TNNI3K: variants seen among roughly 807,000 people sequenced by gnomAD.
TNNI3K encodes the protein serine/threonine-protein kinase TNNI3K.
A neutral mutation model predicts 114.5 loss-of-function variants in TNNI3K; 140 were observed. The ratio of observed to expected loss-of-function variants is 1.22; its 90% CI spans 1.07 to 1.41. TNNI3K has a LOEUF of 1.41. Among genes scored for constraint, TNNI3K ranks in the 40% most tolerant of loss-of-function variants. The pLI is 0.00. For missense variants in TNNI3K, 1,125 were observed against 1,007.6 expected, an observed-to-expected ratio of 1.12 and a Z score of -1.58; for synonymous variants, 347 against 347.5, an observed-to-expected ratio of 1.00 and a Z score of 0.02.
chr1:74,288,341 T>A (rs1264035665), intron 5 of TNNI3K, among the ~76,000 whole-genome samples: 1 of 152,134 alleles, frequency 6.6e-6, no homozygotes, highest in African/African-American at 2.4e-5. Flanking sequence ...AGATGTGAAA[T>A]CAACCAATCA....
intron 4 of TNNI3K, among the ~76,000 whole-genome samples, chr1:74,255,210 C>T (rs1023088781): frequency 6.6e-6 from 1 of 151,862 alleles, no homozygotes; most frequent in Non-Finnish European, 1.5e-5. Flanking sequence ...AAAAATTAGC[C>T]GGGCGTAGTG....
Position 74,404,136 on chromosome 1 carries a change from G to A in TNNI3K, c.1773-31944G>A, listed in dbSNP as rs566316946. 3.9e-5 allele frequency among the ~76,000 whole-genome samples: 6 copies of A among 152,238 alleles called. No individual in the cohort carries two copies. In the South Asian group the frequency reaches 1.2e-3, roughly 32 times the overall value. On this transcript the variant is annotated intron_variant, in intron 17 of 24. Transcript: ENST00000326637. ...CTCTCACCTAAGAACAAGAGGTAAT[G>A]TGTATCTGAGTCACCTAGAAAGCTT... is the stretch of plus-strand genomic sequence containing the variant.
intron 21 of TNNI3K, among the ~76,000 whole-genome samples, chr1:74,472,508 A>G (rs1432281743): frequency 6.6e-6 from 1 of 152,160 alleles, no homozygotes; most frequent in Non-Finnish European, 1.5e-5. Flanking sequence ...TTTAAATATG[A>G]ATAGTATGTA....
At chr1:74,245,441 C>T (rs752862503) in intron 2 of TNNI3K, among the ~76,000 whole-genome samples, 8 of 152,140 alleles carry the variant, frequency 5.3e-5, no homozygotes, top group Non-Finnish European at 1.0e-4. Context: ...TTGAGGTCCA[C>T]GGTGCTCCCA....
At chr1:74,311,151 A>G (rs1658972242) in intron 5 of TNNI3K, among the ~76,000 whole-genome samples, 1 of 152,154 alleles carries the variant, frequency 6.6e-6, no homozygotes, top group Non-Finnish European at 1.5e-5. Flanking sequence ...CTTTTGAACT[A>G]TGTATTGAAC....
At chr1:74,405,038 A>G (rs141618598) in intron 17 of TNNI3K, among the ~76,000 whole-genome samples, 4 of 152,266 alleles carry the variant, frequency 2.6e-5, no homozygotes, top group African/African-American at 9.6e-5. Flanking sequence ...TGAACTGACA[A>G]TGTCAACAAA....
At chr1:74,306,224 C>T (rs2100337026) in intron 5 of TNNI3K, among the ~76,000 whole-genome samples, 1 of 152,244 alleles carries the variant, frequency 6.6e-6, no homozygotes, top group African/African-American at 2.4e-5. Flanking sequence ...TCTAAACTGG[C>T]CATGTAATAT....
chr1:74,333,034 G>T (rs559138002), intron 6 of TNNI3K, among the ~76,000 whole-genome samples: 1 of 147,576 alleles, frequency 6.8e-6, no homozygotes, highest in African/African-American at 2.5e-5. Flanking sequence ...ACTGTTCATT[G>T]AATACTCCAT....
intron 4 of TNNI3K, among the ~76,000 whole-genome samples, chr1:74,270,014 CA>C (rs1352481558): frequency 1.3e-5 from 2 of 151,798 alleles, no homozygotes; most frequent in African/African-American, 4.8e-5. Context: ...AGAATGACTA[CA>C]AGGACACTGG....
chr1:74,514,591 T>G (rs964874342), intron 23 of TNNI3K, among the ~76,000 whole-genome samples: 5 of 152,180 alleles, frequency 3.3e-5, no homozygotes, highest in African/African-American at 1.2e-4. Context: ...TATCTCCATT[T>G]TGAAGATGGG....
chr1:74,256,283 CTTTTTTTTTTTTTTTTTT>C lies in TNNI3K; in HGVS notation c.333+5530_333+5547del, dbSNP rs61636791. The stretch of plus-strand genomic sequence containing the variant: ...CTTTCCGGCACTTGGTGTGGTCAGT[CTTTTTTTTTTTTTTTTTT>C]TTTTTTTTTTTTTTTGGCTATTCTA... On this transcript the variant is annotated intron_variant, in intron 4 of 24. Coordinates refer to ENST00000326637, the MANE Select transcript of TNNI3K (RefSeq NM_015978.3). 9.1e-4 allele frequency among the ~76,000 whole-genome samples: 39 copies of C among 42,810 alleles called. No individual in the cohort carries two copies. The South Asian group carries it at 0.04, about 44-fold the overall frequency. 28.1% of individuals were successfully genotyped at this position (42,810 alleles called of 152,430 possible). A position where few individuals can be genotyped will look rare whatever the true frequency, so the allele number is the denominator to read the frequency against.
At chr1:74,477,943 T>C (rs1161615608) in intron 21 of TNNI3K, among the ~76,000 whole-genome samples, 2 of 152,238 alleles carry the variant, frequency 1.3e-5, no homozygotes, top group Admixed American at 6.5e-5. Context: ...ATAAAAACTT[T>C]TTATCTACCA....
At position 74,304,447 on chromosome 1, in the gene TNNI3K, T is replaced by C. The variant is rs114137298; in HGVS notation, c.445-27003T>C. The stretch of plus-strand genomic sequence containing the variant: ...TTAGCAATAAAGTGATGATGATTAT[T>C]ATTACTATCTTTAGACACAGGGTCT... On this transcript the variant is annotated intron_variant, in intron 5 of 24. Transcript: ENST00000326637. Among the ~76,000 whole-genome samples the C allele has an allele frequency of 2.7e-3, 407 of 152,228 alleles. 2 individuals are homozygous for C. The highest frequency in any genetic ancestry group is 9.5e-3 in the African/African-American group (396 of 41,548).
At chr1:74,427,231 T>C (rs1214563576) in intron 17 of TNNI3K, among the ~76,000 whole-genome samples, 4 of 152,004 alleles carry the variant, frequency 2.6e-5, no homozygotes, top group Admixed American at 1.3e-4. Context: ...TTTTAGTATA[T>C]TCAAAACTGA....
intron 20 of TNNI3K, among the ~76,000 whole-genome samples, chr1:74,459,948 A>G (rs1458977730): frequency 6.6e-6 from 1 of 152,180 alleles, no homozygotes; most frequent in Non-Finnish European, 1.5e-5. Flanking sequence ...TTTAATATGA[A>G]AGCCACTTAC....
intron 4 of TNNI3K, among the ~76,000 whole-genome samples, chr1:74,255,353 CAAA>C (rs10716634): frequency 1.3e-4 from 13 of 101,018 alleles, no homozygotes; most frequent in Non-Finnish European, 1.2e-4. Context: ...GACTCCGTCT[CAAA>C]AAAAAAAAAA....
intron 5 of TNNI3K, among the ~76,000 whole-genome samples, chr1:74,309,043 A>T (rs977121227): frequency 1.4e-4 from 21 of 152,306 alleles, no homozygotes; most frequent in African/African-American, 4.6e-4. Flanking sequence ...ACTGGACCAG[A>T]CAGATTCACA....
chr1:74,507,402 A>G (rs956992792), intron 23 of TNNI3K, among the ~76,000 whole-genome samples: 1 of 152,168 alleles, frequency 6.6e-6, no homozygotes, highest in Non-Finnish European at 1.5e-5. Flanking sequence ...TATTGTAATT[A>G]TTGATGTCTT....
chr1:74,298,609 G>A (rs1337046150), intron 5 of TNNI3K, among the ~76,000 whole-genome samples: 1 of 151,934 alleles, frequency 6.6e-6, no homozygotes, highest in Admixed American at 6.6e-5. Flanking sequence ...TTCTGCTGTA[G>A]GTTTTTCTCC....
Sources: allele counts gnomAD v4.1 joint callset (sites outside exome capture counted in the v4.1 genomes callset), GRCh38; gene constraint gnomAD v4.1.1; transcripts MANE v1.5; gene names NCBI Gene and HGNC (gene_info 2026-07-23, HGNC 2026-07-21).